Variants in GPC5 observed in about 807,000 individuals in gnomAD.
GPC5 encodes the protein glypican 5.
In GPC5, 47 loss-of-function variants were observed where a neutral mutation model predicts 53.9. The ratio of observed to expected loss-of-function variants is 0.87; its 90% confidence interval spans 0.69 to 1.11. GPC5 has a LOEUF of 1.11. Among genes scored for constraint, GPC5 ranks in the 50% most tolerant of loss-of-function variants. GPC5 has a pLI of 0.00. For missense variants in GPC5, 748 were observed against 713.1 expected, an observed-to-expected ratio of 1.05 and a Z score of -0.56; for synonymous variants, 286 against 263.3, an observed-to-expected ratio of 1.09 and a Z score of -0.84.
intron 7 of GPC5, among the ~76,000 whole-genome samples, chr13:92,699,436 G>A (rs1423645125): frequency 6.6e-6 from 1 of 151,910 alleles, no homozygotes; most frequent in East Asian, 1.9e-4. Flanking sequence ...TTTCAGTTCT[G>A]TTCTGATCTT....
intron 6 of GPC5, among the ~76,000 whole-genome samples, chr13:92,067,710 C>T (rs546673187): frequency 3.9e-5 from 6 of 151,994 alleles, no homozygotes; most frequent in African/African-American, 1.4e-4. Context: ...AAATAGCATG[C>T]ATATAATAAA....
At chr13:91,939,916 C>T (rs1346345977) in intron 6 of GPC5, among the ~76,000 whole-genome samples, 1 of 152,082 alleles carries the variant, frequency 6.6e-6, no homozygotes, top group African/African-American at 2.4e-5. Flanking sequence ...ACTCTTTTAC[C>T]CCATTGGTTC....
intron 4 of GPC5, among the ~76,000 whole-genome samples, chr13:91,742,409 AT>A (rs1336218093): frequency 6.6e-6 from 1 of 152,162 alleles, no homozygotes; most frequent in African/African-American, 2.4e-5. Flanking sequence ...AAAACAGAAA[AT>A]GTTTTAAAAA....
chr13:91,435,299 T>A lies in GPC5; in HGVS notation c.164-13462T>A, dbSNP rs996571337. Among the ~76,000 whole-genome samples the A allele has an allele frequency of 1.3e-5, 2 of 152,218 alleles. 1 individual carries two copies. Among genetic ancestry groups the A allele is most frequent in the Non-Finnish European group, 2.9e-5 (2 of 68,036 alleles). On this transcript the variant is annotated intron_variant, in intron 1 of 7. Transcript: ENST00000377067. ...AGGGAGTGCTTCCAGTTTTTGCCCA[T>A]TCAGTATGATATTGGCTGTGGGTTG...
At chr13:91,559,131 T>G (rs1251308785) in intron 2 of GPC5, among the ~76,000 whole-genome samples, 1 of 152,072 alleles carries the variant, frequency 6.6e-6, no homozygotes, top group Non-Finnish European at 1.5e-5. Context: ...CTCTAGGATT[T>G]GAACACAGTG....
chr13:91,830,603 C>T (rs1210664547), intron 5 of GPC5, among the ~76,000 whole-genome samples: 3 of 151,338 alleles, frequency 2.0e-5, no homozygotes, highest in Non-Finnish European at 4.4e-5. Context: ...ATTTGGGGAA[C>T]TAATAAATGT....
rs1291750275 is a variant in GPC5, at chr13:91,937,551, C to T, written c.1401+29494C>T. On this transcript the variant is annotated intron_variant, in intron 6 of 7. Coordinates refer to ENST00000377067, the MANE Select transcript of GPC5 (RefSeq NM_004466.6). ...GAAGATCTATTGACTTATATGGCTA[C>T]AGATGAAGCTTGCAGATACTGTTTT... is the stretch of plus-strand genomic sequence containing the variant. Among the ~76,000 whole-genome samples the T allele has an allele frequency of 3.9e-5, 6 of 152,124 alleles. No individual in the cohort carries two copies. The East Asian group carries it at 1.2e-3, about 29-fold the overall frequency.
intron 7 of GPC5, among the ~76,000 whole-genome samples, chr13:92,190,348 A>G (rs2042214863): frequency 6.6e-6 from 1 of 152,220 alleles, no homozygotes; most frequent in Non-Finnish European, 1.5e-5. Context: ...GAGAGAAGAA[A>G]AAATTATATA....
chr13:92,698,626 A>G (rs954868973), intron 7 of GPC5, among the ~76,000 whole-genome samples: 3 of 152,252 alleles, frequency 2.0e-5, no homozygotes, highest in African/African-American at 7.2e-5. Flanking sequence ...CAATAAACAT[A>G]TGTGTGCATG....
intron 7 of GPC5, among the ~76,000 whole-genome samples, chr13:92,537,958 G>C (rs1594286624): frequency 6.6e-6 from 1 of 152,146 alleles, no homozygotes; most frequent in East Asian, 1.9e-4. Flanking sequence ...AGGCTAGAAG[G>C]AACCTTAAAG....
chr13:92,695,833 T>C (rs1887541203), intron 7 of GPC5, among the ~76,000 whole-genome samples: 1 of 152,110 alleles, frequency 6.6e-6, no homozygotes, highest in Admixed American at 6.6e-5. Context: ...GTATTTCTCC[T>C]GTTATTATCC....
chr13:92,115,287 T>G (rs907825009), intron 6 of GPC5, among the ~76,000 whole-genome samples: 1 of 152,112 alleles, frequency 6.6e-6, no homozygotes, highest in Non-Finnish European at 1.5e-5. Flanking sequence ...GGTGGGTAGA[T>G]TATGAGGTCA....
At chr13:92,749,656 T>C (rs1889330676) in intron 7 of GPC5, among the ~76,000 whole-genome samples, 1 of 152,120 alleles carries the variant, frequency 6.6e-6, no homozygotes, top group African/African-American at 2.4e-5. Context: ...TGACACATGG[T>C]TTTCCATAAC....
intron 2 of GPC5, among the ~76,000 whole-genome samples, chr13:91,619,789 T>G (rs559166290): frequency 6.6e-6 from 1 of 152,268 alleles, no homozygotes; most frequent in South Asian, 2.1e-4. Flanking sequence ...CTCTGCACAT[T>G]TTCTTTTCCA....
At chr13:92,011,758 A>G (rs117024365) in intron 6 of GPC5, among the ~76,000 whole-genome samples, 5,715 of 152,308 alleles carry the variant, frequency 0.038, 148 homozygotes, top group Middle Eastern at 0.061. Context: ...TGGTATCTTC[A>G]GTGAATAAAG....
In GPC5 at chr13:91,572,158, TAC is replaced by T. The variant is rs569900976; in HGVS notation, c.326-121021_326-121020del. Among the ~76,000 whole-genome samples, 182 of 119,134 alleles carry T rather than the reference TAC, an allele frequency of 1.5e-3. 7 individuals are homozygous for T. The highest frequency in any genetic ancestry group is 9.6e-3 in the Middle Eastern group (2 of 208). 78.2% of individuals were successfully genotyped at this position (119,134 alleles called of 152,430 possible). A position where few individuals can be genotyped will look rare whatever the true frequency, so the allele number is the denominator to read the frequency against. On this transcript the variant is annotated intron_variant, in intron 2 of 7. Transcript: ENST00000377067. ...ACACATATGTATATATACGTGTGTA[TAC>T]ACACACATATGTATATATACGTGTG...
At chr13:92,131,670 A>G (rs1230361589) in intron 6 of GPC5, among the ~76,000 whole-genome samples, 1 of 151,982 alleles carries the variant, frequency 6.6e-6, no homozygotes, top group East Asian at 1.9e-4. Context: ...AGAGGTCAGT[A>G]TAGGAGTTAC....
chr13:91,963,355 C>A (rs2040144557), intron 6 of GPC5, among the ~76,000 whole-genome samples: 1 of 152,214 alleles, frequency 6.6e-6, no homozygotes, highest in Admixed American at 6.5e-5. Context: ...ATACGTATTT[C>A]CCCCAAATTT....
At chr13:91,527,527 C>A (rs150415342) in intron 2 of GPC5, among the ~76,000 whole-genome samples, 1 of 152,346 alleles carries the variant, frequency 6.6e-6, no homozygotes, top group African/African-American at 2.4e-5. Flanking sequence ...GTGCCTATGA[C>A]TTTTCCAGGC....
Sources: gnomAD v4.1 joint callset for allele counts (sites outside exome capture counted in the v4.1 genomes callset) on GRCh38, gnomAD v4.1.1 for gene constraint, MANE v1.5 for transcripts, NCBI Gene and HGNC (gene_info 2026-07-23, HGNC 2026-07-21) for gene names.